Variants in MYO5A observed in about 807,000 individuals in gnomAD.
The protein encoded by MYO5A is unconventional myosin-Va.
In MYO5A, 98 loss-of-function variants were observed where a neutral mutation model predicts 249.7. The observed-to-expected ratio is 0.39, with a 90% confidence interval of 0.33 to 0.46. The LOEUF (loss-of-function observed/expected upper bound fraction) is 0.46, where lower values mean the gene tolerates loss of function less well. Ranked by LOEUF, MYO5A falls within the 20% of genes least tolerant of loss-of-function variation. The pLI is 0.98. For missense variants in MYO5A, 1,696 were observed against 2,308.8 expected (o/e 0.73, Z 5.44); for synonymous variants, 778 against 810.6 (o/e 0.96, Z 0.68).
chr15:52,435,709 A>G (rs1214186557), intron 1 of MYO5A: 2 of 449,422 alleles, frequency 4.5e-6, no homozygotes, highest in African/African-American at 2.0e-5. Flanking sequence ...GGGGACTGAT[A>G]TAAGGTTATT....
intron 1 of MYO5A, among the ~76,000 whole-genome samples, chr15:52,440,557 C>T (rs181333625): frequency 3.3e-4 from 51 of 152,312 alleles, no homozygotes; most frequent in African/African-American, 1.2e-3. Context: ...CATGAGTCAC[C>T]GCACCTGGCC....
rs1319310072 is a variant in MYO5A at position 52,307,749 on chromosome 15, A to G, written c.*5947T>C. ...TTTTAGTTAAAAGGATGTCCATTTC[A>G]TAGTAAATTAATACAGTTAATAATT... On this transcript the variant is annotated 3_prime_UTR_variant, in exon 42 of 42. Transcript: ENST00000399233. The G allele has an allele frequency of 6.6e-6, 1 of 152,192 alleles. No homozygotes were observed. The highest frequency in any genetic ancestry group is 1.5e-5 in the Non-Finnish European group (1 of 68,012). The allele number at this position is 152,192 out of a possible 1,614,324, so 9.4% of individuals were successfully genotyped here.
At chr15:52,320,814 C>A (rs2038264087) in intron 38 of MYO5A, among the ~76,000 whole-genome samples, 1 of 151,982 alleles carries the variant, frequency 6.6e-6, no homozygotes, top group East Asian at 1.9e-4. Context: ...GAGATTGAGA[C>A]CATCCTGGCT....
At chr15:52,351,555 G>C (rs1192984030) in intron 27 of MYO5A, 74 bp from the exon 28 acceptor site, 3 of 1,386,098 alleles carry the variant, frequency 2.2e-6, no homozygotes, top group Admixed American at 3.4e-5. Context: ...CTTCTCCCAA[G>C]CTGGTAGAAG....
chr15:52,400,295 A>T (rs2042692198), intron 9 of MYO5A, among the ~76,000 whole-genome samples: 1 of 152,116 alleles, frequency 6.6e-6, no homozygotes, highest in Non-Finnish European at 1.5e-5. Flanking sequence ...ATCCTCTGTT[A>T]TCCAATACTT....
In MYO5A at chr15:52,384,325, A is replaced by G; in HGVS notation, c.1753-3T>C. On this transcript the variant is annotated splice_polypyrimidine_tract_variant and splice_region_variant and intron_variant, in intron 14 of 41. Transcript: ENST00000399233. ...AATAGTTCTGGTAGCATCTTAAACT[A>G]AGTCAGAAACAATATAAAGAAATTA... 1 of 1,614,036 alleles carries G rather than the reference A, an allele frequency of 6.2e-7. No individual in the cohort carries two copies. The highest frequency in any genetic ancestry group is 8.5e-7 in the Non-Finnish European group (1 of 1,179,878).
At chr15:52,369,255 G>A (rs2040975331) in intron 22 of MYO5A, among the ~76,000 whole-genome samples, 1 of 152,142 alleles carries the variant, frequency 6.6e-6, no homozygotes, top group African/African-American at 2.4e-5. Context: ...ACATTTAGAA[G>A]TCAGTACAGA....
chr15:52,478,023 T>C (rs1217301651), intron 1 of MYO5A, among the ~76,000 whole-genome samples: 1 of 152,226 alleles, frequency 6.6e-6, no homozygotes, highest in Non-Finnish European at 1.5e-5. Flanking sequence ...GAGTCTACAG[T>C]GGCAGGCAGG....
At chr15:52,380,799 C>T (rs1471322977) in intron 16 of MYO5A, among the ~76,000 whole-genome samples, 1 of 152,104 alleles carries the variant, frequency 6.6e-6, no homozygotes, top group African/African-American at 2.4e-5. Context: ...CACTCCTTTG[C>T]ACTTTGCCCA....
At chr15:52,469,466 A>G (rs1261421552) in intron 1 of MYO5A, among the ~76,000 whole-genome samples, 1 of 152,188 alleles carries the variant, frequency 6.6e-6, no homozygotes, top group Non-Finnish European at 1.5e-5. Context: ...TGTCATCTTC[A>G]TACTGAGTAG....
At chr15:52,383,523 A>C (rs901929434) in intron 15 of MYO5A, among the ~76,000 whole-genome samples, 1 of 152,240 alleles carries the variant, frequency 6.6e-6, no homozygotes, top group East Asian at 1.9e-4. Flanking sequence ...TAATCACATA[A>C]AGTGGGAATT....
intron 4 of MYO5A, among the ~76,000 whole-genome samples, chr15:52,424,367 A>G (rs1223754029): frequency 6.6e-6 from 1 of 152,198 alleles, no homozygotes; most frequent in Admixed American, 6.5e-5. Flanking sequence ...GTGACCTTAG[A>G]AAAGTTACAC....
chr15:52,364,564 G>T lies in MYO5A; in HGVS notation c.3299C>A (p.Thr1100Asn). ...ERYDDLKEEM[T>N]LMVHVPKPGH... ...AAGTGTTTGACTCACCACCATAAGG[G>T]TCATCTCTTCCTTGAGGTCATCATA... The change falls in exon 24 of 42, where the codon ACC becomes AAC. Residue 1100 changes from threonine (T) to asparagine (N), a missense_variant. Thr to Asn is a moderately conservative substitution (Grantham distance 65). This residue lies in a region of MYO5A where 412 missense variants were observed against 453.3 expected (regional missense o/e 0.91). Coordinates refer to ENST00000399233, the MANE Select transcript of MYO5A (RefSeq NM_001382347.1). The T allele has an allele frequency of 3.7e-6, 6 of 1,613,176 alleles. No homozygotes were observed. The highest frequency in any genetic ancestry group is 5.1e-6 in the Non-Finnish European group (6 of 1,179,794).
chr15:52,362,841 T>C (rs2040602476), intron 24 of MYO5A, among the ~76,000 whole-genome samples: 1 of 152,196 alleles, frequency 6.6e-6, no homozygotes, highest in South Asian at 2.1e-4. Flanking sequence ...AAGAGACCCA[T>C]GACCTCCTCA....
intron 1 of MYO5A, among the ~76,000 whole-genome samples, chr15:52,456,655 GAT>G (rs1846469881): frequency 6.6e-6 from 1 of 152,054 alleles, no homozygotes; most frequent in South Asian, 2.1e-4. Context: ...AGAGAATACA[GAT>G]ATAAATGTAT....
Position 52,422,165 on chromosome 15 carries a change from A to T in MYO5A, c.455+3665T>A, listed in dbSNP as rs2043823763. 3.9e-5 allele frequency among the ~76,000 whole-genome samples: 6 copies of T among 152,190 alleles called. No homozygotes were observed. In the South Asian group the frequency reaches 1.0e-3, roughly 26 times the overall value. ...TGGTAAGTCAACAAGGACAATTAAA[A>T]TTAAAAGGCTATTCTAGGAAGGTAT... is the stretch of plus-strand genomic sequence containing the variant. On this transcript the variant is annotated intron_variant, in intron 4 of 41. Coordinates refer to ENST00000399233, the MANE Select transcript of MYO5A (RefSeq NM_001382347.1).
chr15:52,527,962 C>CA (rs2077755960), intron 1 of MYO5A, among the ~76,000 whole-genome samples: 1 of 152,312 alleles, frequency 6.6e-6, no homozygotes, highest in East Asian at 1.9e-4. Flanking sequence ...AAGGTCATCA[C>CA]AAATCTGCGC....
chr15:52,494,532 G>A (rs1035277336), intron 1 of MYO5A, among the ~76,000 whole-genome samples: 1 of 151,832 alleles, frequency 6.6e-6, no homozygotes, highest in East Asian at 1.9e-4. Flanking sequence ...TTGCTCTATC[G>A]CCCGGTCAGG....
At chr15:52,344,087 T>G (rs2140999223) in intron 30 of MYO5A, among the ~76,000 whole-genome samples, 2 of 152,214 alleles carry the variant, frequency 1.3e-5, no homozygotes, top group South Asian at 4.1e-4. Context: ...GACTCTGGAG[T>G]CCAGGTTCTT....
Sources: gnomAD v4.1 joint callset for allele counts (sites outside exome capture counted in the v4.1 genomes callset) on GRCh38, gnomAD v4.1.1 for gene constraint, gnomAD v4.1.1 regional missense constraint, MANE v1.5 for transcripts, NCBI Gene and HGNC (gene_info 2026-07-23, HGNC 2026-07-21) for gene names.